The following ITGA1 variants were observed in gnomAD, a reference collection of about 807,000 sequenced individuals.
ITGA1 encodes the protein integrin alpha-1.
In ITGA1, 85 loss-of-function variants were observed where a neutral mutation model predicts 145.9. The ratio of observed to expected loss-of-function variants is 0.58; its 90% CI spans 0.49 to 0.70. ITGA1 has a LOEUF of 0.70. Among genes scored for constraint, ITGA1 ranks in the 30% least tolerant of loss-of-function variants. ITGA1 has a pLI of 0.00. For missense variants in ITGA1, 1,351 were observed against 1,418.7 expected, an observed-to-expected ratio of 0.95 and a Z score of 0.77; for synonymous variants, 520 against 495.3, an observed-to-expected ratio of 1.05 and a Z score of -0.66.
At chr5:52,834,701 G>A (rs992522161) in intron 1 of ITGA1, among the ~76,000 whole-genome samples, 3 of 150,184 alleles carry the variant, frequency 2.0e-5, no homozygotes, top group Non-Finnish European at 4.5e-5. Context: ...GGGAAGGAAG[G>A]AAGGGGAAGG....
chr5:52,829,629 A>G (rs1452920302), intron 1 of ITGA1, among the ~76,000 whole-genome samples: 1 of 151,454 alleles, frequency 6.6e-6, no homozygotes, highest in African/African-American at 2.4e-5. Context: ...TTTTTTTTTC[A>G]TTTTTTGGAG....
intron 18 of ITGA1, among the ~76,000 whole-genome samples, chr5:52,923,835 CCACCAGTAACCACCTAGGTCAT>C (rs1750765545): frequency 6.6e-6 from 1 of 152,194 alleles, no homozygotes; most frequent in Admixed American, 6.5e-5. Flanking sequence ...TGGACTTAGA[CCACCAGTAACCACCTAGGTCAT>C]CAGCAGTGCT....
chr5:52,887,684 T>C (rs1029040850), intron 7 of ITGA1, 131 bp from the exon 8 acceptor site: 4 of 720,710 alleles, frequency 5.6e-6, no homozygotes, highest in Non-Finnish European at 8.8e-6. Flanking sequence ...ACTTGAATGA[T>C]GGGCATTGAT....
intron 6 of ITGA1, among the ~76,000 whole-genome samples, chr5:52,866,350 T>C (rs1306988255): frequency 1.3e-5 from 2 of 152,234 alleles, no homozygotes; most frequent in Non-Finnish European, 2.9e-5. Context: ...GAAAATATTA[T>C]GAAAGCTGCC....
chr5:52,912,612 A>C (rs1304895418), intron 14 of ITGA1, among the ~76,000 whole-genome samples: 1 of 143,040 alleles, frequency 7.0e-6, no homozygotes, highest in African/African-American at 2.6e-5. Context: ...TAGTGTATCC[A>C]CTATATATTA....
intron 11 of ITGA1, among the ~76,000 whole-genome samples, chr5:52,899,191 C>A (rs1391956787): frequency 6.6e-6 from 1 of 152,154 alleles, no homozygotes; most frequent in African/African-American, 2.4e-5. Flanking sequence ...AAACACATAC[C>A]TTGGCCTGGA....
At chr5:52,889,890 A>G (rs1750116022) in intron 8 of ITGA1, 1 of 109,356 alleles carries the variant, frequency 9.1e-6, no homozygotes, top group Non-Finnish European at 2.0e-5. Flanking sequence ...GAGGATTTGG[A>G]TATTCTTAAA....
At chr5:52,809,772 G>T (rs1255453190) in intron 1 of ITGA1, among the ~76,000 whole-genome samples, 2 of 151,872 alleles carry the variant, frequency 1.3e-5, no homozygotes, top group Non-Finnish European at 2.9e-5. Context: ...TCCCCAAGTG[G>T]GATTACAGGC....
chr5:52,913,361 G>T (rs568653407), intron 14 of ITGA1, among the ~76,000 whole-genome samples: 8 of 152,076 alleles, frequency 5.3e-5, no homozygotes, highest in African/African-American at 1.9e-4. Flanking sequence ...ATATATTTTC[G>T]TCAAGTGAAT....
In ITGA1 at chr5:52,937,470, A is replaced by C. The variant is rs771170558; in HGVS notation, c.3034A>C (p.Asn1012His). The change falls in exon 24 of 29, where the codon AAT becomes CAT. Residue 1012 changes from asparagine (N) to histidine (H), a missense_variant. Asn to His is a moderately conservative substitution (Grantham distance 68). Coordinates refer to ENST00000282588, the MANE Select transcript of ITGA1 (RefSeq NM_181501.2). ...AATTTCATTCCCCAATATGACATCA[A>C]ATGGTTACCCTGTGCTGTACCCAAC... ...LSISFPNMTSNGYPVLYPTGL... is the reference protein window; with the variant it reads ...LSISFPNMTSHGYPVLYPTGL... 2 of 1,613,580 alleles carry C rather than the reference A, an allele frequency of 1.2e-6. No individual in the cohort carries two copies. The highest frequency in any genetic ancestry group is 1.7e-6 in the Non-Finnish European group (2 of 1,179,530).
rs1030362066 is a variant in ITGA1 at position 52,940,619 on chromosome 5, C to G, written c.3285+675C>G. Among the ~76,000 whole-genome samples the G allele has an allele frequency of 3.3e-5, 5 of 151,930 alleles. 1 individual carries two copies. The highest frequency in any genetic ancestry group is 7.2e-5 in the African/African-American group (3 of 41,466). On this transcript the variant is annotated intron_variant, in intron 26 of 28. Coordinates refer to ENST00000282588, the MANE Select transcript of ITGA1 (RefSeq NM_181501.2). Reference sequence around the variant, plus strand: ...TAGAGACTATGAAGACATTTTTAACCCCTTATAAAGCCAAATCTGTCTGAC... The same window carrying G: ...TAGAGACTATGAAGACATTTTTAACGCCTTATAAAGCCAAATCTGTCTGAC...
intron 1 of ITGA1, among the ~76,000 whole-genome samples, chr5:52,798,948 G>A (rs1748399144): frequency 6.6e-6 from 1 of 152,100 alleles, no homozygotes; most frequent in African/African-American, 2.4e-5. Context: ...CCAGTTCCCA[G>A]CTTAACTTTT....
intron 2 of ITGA1, among the ~76,000 whole-genome samples, chr5:52,854,470 C>T (rs1184537702): frequency 6.6e-6 from 1 of 152,050 alleles, no homozygotes; most frequent in African/African-American, 2.4e-5. Flanking sequence ...ATGAGCAAAT[C>T]ACTGCAGTTA....
intron 11 of ITGA1, among the ~76,000 whole-genome samples, chr5:52,899,509 A>T (rs746295714): frequency 1.5e-4 from 23 of 152,178 alleles, no homozygotes. Context: ...TCTGTTTCTC[A>T]TAGAAATCCT....
intron 27 of ITGA1, among the ~76,000 whole-genome samples, chr5:52,946,729 T>C (rs1045683911): frequency 6.6e-6 from 1 of 152,142 alleles, no homozygotes; most frequent in Non-Finnish European, 1.5e-5. Flanking sequence ...AAGCGGTCCA[T>C]TTTACAGCTT....
At chr5:52,872,904 C>T (rs1359861636) in intron 6 of ITGA1, among the ~76,000 whole-genome samples, 1 of 152,108 alleles carries the variant, frequency 6.6e-6, no homozygotes, top group East Asian at 1.9e-4. Context: ...CAGCTGCAAC[C>T]GTGAGAGCAC....
intron 7 of ITGA1, among the ~76,000 whole-genome samples, chr5:52,883,319 T>A (rs2447863): frequency 0.2 from 30,081 of 152,216 alleles, 3,127 homozygotes; most frequent in South Asian, 0.28. Flanking sequence ...CTCTGAAAAC[T>A]AACTGAAGAA....
intron 14 of ITGA1, among the ~76,000 whole-genome samples, chr5:52,910,976 A>G (rs1750505161): frequency 7.7e-6 from 1 of 130,278 alleles, no homozygotes. Context: ...TATACTATAT[A>G]TAGTATGTAT....
intron 1 of ITGA1, among the ~76,000 whole-genome samples, chr5:52,819,525 T>C (rs1051854461): frequency 6.6e-6 from 1 of 152,248 alleles, no homozygotes; most frequent in Non-Finnish European, 1.5e-5. Flanking sequence ...TTGTTTGTGT[T>C]CATTATAGAT....
Sources: allele counts gnomAD v4.1 joint callset (sites outside exome capture counted in the v4.1 genomes callset), GRCh38; gene constraint gnomAD v4.1.1; transcripts MANE v1.5; gene names NCBI Gene and HGNC (gene_info 2026-07-23, HGNC 2026-07-21).